The following ARFGEF1 variants were observed in gnomAD, a reference collection of about 807,000 sequenced individuals.
ARFGEF1 encodes the protein ARF guanine nucleotide exchange factor 1.
In ARFGEF1, 42 loss-of-function variants were observed where a neutral mutation model predicts 231.0. The observed-to-expected ratio is 0.18, with a 90% CI of 0.14 to 0.24. ARFGEF1 has a LOEUF of 0.24. ARFGEF1 is among the 10% of genes least tolerant of loss of function. ARFGEF1 has a pLI of 1.00. For synonymous variants in ARFGEF1, 710 were observed against 732.3 expected, an observed-to-expected ratio of 0.97 and a Z score of 0.49; for missense variants, 1,345 against 2,192.0, an observed-to-expected ratio of 0.61 and a Z score of 7.72.
rs529381274 is a variant in ARFGEF1 at position 67,321,681 on chromosome 8, C to T, written c.125-19215G>A. Among the ~76,000 whole-genome samples the T allele has an allele frequency of 1.1e-4, 16 of 151,884 alleles. No individual in the cohort carries two copies. The South Asian group carries it at 3.3e-3, about 32-fold the overall frequency. The stretch of plus-strand genomic sequence containing the variant: ...TTCACCGTGTTAGCCAAGATGGTCT[C>T]GATCTCCTGACTTCGTGATCCGCCC... On this transcript the variant is annotated intron_variant, in intron 1 of 38. Coordinates refer to ENST00000262215, the MANE Select transcript of ARFGEF1 (RefSeq NM_006421.5).
At chr8:67,216,492 GGAATGGATTAA>G in intron 33 of ARFGEF1, 87 bp downstream of exon 33, 4 of 1,087,952 alleles carry the variant, frequency 3.7e-6, no homozygotes, top group Non-Finnish European at 5.2e-6. Context: ...TTTAATAGCA[GGAATGGATTAA>G]GACAATTACA....
Position 67,232,818 on chromosome 8 carries a change from G to A in ARFGEF1, c.3380+37C>T, listed in dbSNP as rs765533823. On this transcript the variant is annotated intron_variant, in intron 23 of 38. Transcript: ENST00000262215. ...ACCTAAATGCTAAAGAACTGAAATA[G>A]TAATCATCTGAAAAGGGAATAAAAT... is the stretch of plus-strand genomic sequence containing the variant. 6 of 1,468,654 alleles carry A rather than the reference G, an allele frequency of 4.1e-6. No individual in the cohort carries two copies. The Admixed American group carries it at 1.2e-4, about 30-fold the overall frequency. The allele number at this position is 1,468,654 out of a possible 1,614,324, so 91.0% of individuals were successfully genotyped here.
chr8:67,175,007 C>A, downstream of ARFGEF1: 1 of 332,172 alleles, frequency 3.0e-6, no homozygotes, highest in African/African-American at 2.1e-5. Context: ...TGGGTGGCAT[C>A]CTGGCAGGGC....
Position 67,181,396 on chromosome 8 carries a change from G to A in ARFGEF1, c.561-5824C>T, listed in dbSNP as rs560960371. Among the ~76,000 whole-genome samples, 7 of 149,302 alleles carry A rather than the reference G, an allele frequency of 4.7e-5. No homozygotes were observed. The East Asian group carries it at 5.9e-4, about 13-fold the overall frequency. ...TTCCTTTCCAAGGAAGATGCACTGC[G>A]GAGAGAAGGAAAGATAAAACCAGCA... On this transcript the variant is annotated intron_variant, in intron 5 of 5. Coordinates refer to the ARFGEF1 transcript ENST00000518789.
chr8:67,179,944 A>T, intron 5 of ARFGEF1: 1 of 1,368,798 alleles, frequency 7.3e-7, no homozygotes, highest in Non-Finnish European at 1.0e-6. Context: ...TATTTATTTT[A>T]TTAAGGCTAT....
intron 34 of ARFGEF1, among the ~76,000 whole-genome samples, chr8:67,208,347 T>C (rs1487849221): frequency 1.3e-5 from 2 of 151,964 alleles, no homozygotes; most frequent in South Asian, 2.1e-4. Flanking sequence ...TAAAACTTCA[T>C]AGGCCAGGCA....
chr8:67,283,919 CAATAGCT>C (rs1805642251), intron 7 of ARFGEF1, among the ~76,000 whole-genome samples: 1 of 152,130 alleles, frequency 6.6e-6, no homozygotes, highest in South Asian at 2.1e-4. Flanking sequence ...AGGAATTTAG[CAATAGCT>C]AACAGATATT....
At chr8:67,287,055 A>G (rs1805790414) in intron 7 of ARFGEF1, among the ~76,000 whole-genome samples, 1 of 152,208 alleles carries the variant, frequency 6.6e-6, no homozygotes. Flanking sequence ...AAGAGGTAAC[A>G]TAGCAGGCCA....
intron 1 of ARFGEF1, among the ~76,000 whole-genome samples, chr8:67,315,284 A>G (rs913335229): frequency 3.3e-5 from 5 of 152,238 alleles, no homozygotes; most frequent in African/African-American, 1.2e-4. Flanking sequence ...AACTAAAAGG[A>G]GAAACAGACA....
intron 5 of ARFGEF1, among the ~76,000 whole-genome samples, chr8:67,184,741 AAATAT>A (rs894261597): frequency 2.8e-5 from 4 of 143,620 alleles, no homozygotes; most frequent in Non-Finnish European, 4.5e-5. Flanking sequence ...AATAATAAAA[AAATAT>A]AATAATAATA....
At chr8:67,217,292 G>A (rs1209218739) in intron 32 of ARFGEF1, among the ~76,000 whole-genome samples, 7 of 128,028 alleles carry the variant, frequency 5.5e-5, no homozygotes, top group East Asian at 2.2e-4. Flanking sequence ...AAACATGAAC[G>A]AAACTCCATC....
chr8:67,237,359 T>C (rs557980785), intron 22 of ARFGEF1, among the ~76,000 whole-genome samples: 9 of 152,356 alleles, frequency 5.9e-5, no homozygotes, highest in East Asian at 3.9e-4. Context: ...GCTGCTTCAG[T>C]TGATTACCAC....
At chr8:67,317,792 G>A (rs1020304898) in intron 1 of ARFGEF1, among the ~76,000 whole-genome samples, 6 of 151,284 alleles carry the variant, frequency 4.0e-5, no homozygotes, top group Admixed American at 1.3e-4. Context: ...CCAGCTACTC[G>A]GGAGGCTGAG....
At chr8:67,320,513 C>T (rs746132656) in intron 1 of ARFGEF1, among the ~76,000 whole-genome samples, 1 of 152,158 alleles carries the variant, frequency 6.6e-6, no homozygotes, top group Non-Finnish European at 1.5e-5. Flanking sequence ...GGTATCTACC[C>T]TAGACAAACA....
intron 5 of ARFGEF1, among the ~76,000 whole-genome samples, chr8:67,191,526 CATACACTGTATGATT>C (rs1260330008): frequency 6.6e-6 from 1 of 152,184 alleles, no homozygotes; most frequent in Non-Finnish European, 1.5e-5. Context: ...TAAATGAGAT[CATACACTGTATGATT>C]ATTTGTGACT....
At chr8:67,339,929 T>C (rs936328839) in intron 1 of ARFGEF1, among the ~76,000 whole-genome samples, 14 of 151,784 alleles carry the variant, frequency 9.2e-5, no homozygotes, top group Non-Finnish European at 1.9e-4. Context: ...AAAATAAAAG[T>C]TCCTTGAGAA....
intron 17 of ARFGEF1, among the ~76,000 whole-genome samples, chr8:67,255,005 T>A (rs1404721266): frequency 2.0e-5 from 3 of 151,714 alleles, no homozygotes; most frequent in Admixed American, 2.0e-4. Flanking sequence ...CTGCTGCCAA[T>A]AAGAAGTAAA....
Position 67,227,180 on chromosome 8 carries a change from T to G in ARFGEF1, c.3873A>C (p.Glu1291Asp). ...VFHLAASDQD[E>D]SIVELAFQTT... ...TTTGGAATGCAAGTTCCACTATGCT[T>G]TCATCTTGATCAGATGCAGCTAGAT... The change falls in exon 27 of 39, where the codon GAA becomes GAC. Residue 1291 changes from glutamate (E) to aspartate (D), a missense_variant. Coordinates refer to ENST00000262215, the MANE Select transcript of ARFGEF1 (RefSeq NM_006421.5). 1 of 1,613,064 alleles carries G rather than the reference T, an allele frequency of 6.2e-7. No individual in the cohort carries two copies. The highest frequency in any genetic ancestry group is 2.2e-5 in the East Asian group (1 of 44,834).
chr8:67,281,504 T>A (rs1383885536), intron 7 of ARFGEF1, among the ~76,000 whole-genome samples: 1 of 151,950 alleles, frequency 6.6e-6, no homozygotes, highest in Non-Finnish European at 1.5e-5. Context: ...TCATCAAATT[T>A]AATGGTGAAA....
Sources: gnomAD v4.1 joint callset for allele counts (sites outside exome capture counted in the v4.1 genomes callset) on GRCh38, gnomAD v4.1.1 for gene constraint, MANE v1.5 for transcripts, NCBI Gene and HGNC (gene_info 2026-07-23, HGNC 2026-07-21) for gene names.